Variants in FARS2 observed in about 807,000 individuals in gnomAD.
The protein encoded by FARS2 is phenylalanyl-tRNA synthetase 2, mitochondrial.
A neutral mutation model predicts 46.4 loss-of-function variants in FARS2; 40 were observed. That is an observed-to-expected ratio of 0.86 (90% CI 0.67 to 1.12). The LOEUF (loss-of-function observed/expected upper bound fraction) is 1.12. Ranked by LOEUF, FARS2 falls within the 50% of genes most tolerant of loss-of-function variation. FARS2 has a pLI of 0.00. For synonymous variants in FARS2, 234 were observed against 214.9 expected, an observed-to-expected ratio of 1.09 and a Z score of -0.78; for missense variants, 513 against 567.9, an observed-to-expected ratio of 0.90 and a Z score of 0.98.
chr6:5,278,478 A>C (rs1042845198), intron 1 of FARS2, among the ~76,000 whole-genome samples: 1 of 152,186 alleles, frequency 6.6e-6, no homozygotes, highest in Non-Finnish European at 1.5e-5. Context: ...ATTTTTACAC[A>C]AAGTTTTTTA....
chr6:5,687,163 A>T (rs1003056490), intron 6 of FARS2, among the ~76,000 whole-genome samples: 5 of 152,086 alleles, frequency 3.3e-5, no homozygotes, highest in Non-Finnish European at 5.9e-5. Flanking sequence ...GTTCATTCTG[A>T]TGGTAGTTTC....
At chr6:5,592,551 C>T (rs1380951166) in intron 5 of FARS2, among the ~76,000 whole-genome samples, 1 of 152,102 alleles carries the variant, frequency 6.6e-6, no homozygotes, top group Non-Finnish European at 1.5e-5. Context: ...AGAAAATTCA[C>T]CAACCTGCCA....
chr6:5,507,131 C>G (rs1203398752), intron 4 of FARS2, among the ~76,000 whole-genome samples: 1 of 152,196 alleles, frequency 6.6e-6, no homozygotes, highest in Non-Finnish European at 1.5e-5. Flanking sequence ...GTGCTTGCAG[C>G]CTTTCAGAGA....
intron 6 of FARS2, among the ~76,000 whole-genome samples, chr6:5,756,834 A>C (rs181563577): frequency 1.3e-5 from 2 of 152,378 alleles, no homozygotes; most frequent in Admixed American, 1.3e-4. Context: ...TGTGGTAGAC[A>C]AAGAGGTAGA....
chr6:5,327,542 C>T (rs1305046674), intron 1 of FARS2, among the ~76,000 whole-genome samples: 2 of 152,166 alleles, frequency 1.3e-5, no homozygotes, highest in Non-Finnish European at 2.9e-5. Flanking sequence ...AGTTCCCCTG[C>T]ACACACTCTC....
intron 6 of FARS2, among the ~76,000 whole-genome samples, chr6:5,701,266 A>T (rs1342087945): frequency 6.6e-6 from 1 of 152,252 alleles, no homozygotes; most frequent in East Asian, 1.9e-4. Flanking sequence ...ACATCTCTGC[A>T]AAGGCTGTTG....
At chr6:5,539,270 G>A (rs1267126294) in intron 4 of FARS2, among the ~76,000 whole-genome samples, 2 of 150,192 alleles carry the variant, frequency 1.3e-5, no homozygotes, top group Non-Finnish European at 1.5e-5. Context: ...GCAGTGGCAC[G>A]ATCTCGGCTC....
intron 3 of FARS2, among the ~76,000 whole-genome samples, chr6:5,430,840 T>C (rs994039636): frequency 6.6e-6 from 1 of 152,168 alleles, no homozygotes; most frequent in African/African-American, 2.4e-5. Flanking sequence ...AAGTGTTTTT[T>C]ATATTGGAGA....
chr6:5,306,201 C>T (rs1284211168), intron 1 of FARS2, among the ~76,000 whole-genome samples: 3 of 152,152 alleles, frequency 2.0e-5, no homozygotes, highest in Non-Finnish European at 2.9e-5. Flanking sequence ...TGTTTTTCCT[C>T]CTTTCTTTCC....
intron 4 of FARS2, among the ~76,000 whole-genome samples, chr6:5,496,945 AGT>A (rs1290894145): frequency 6.6e-6 from 1 of 152,026 alleles, no homozygotes; most frequent in Non-Finnish European, 1.5e-5. Flanking sequence ...CAGCCTCCTG[AGT>A]AGCTGGGCCT....
intron 1 of FARS2, among the ~76,000 whole-genome samples, chr6:5,293,107 G>C (rs1448488998): frequency 6.6e-6 from 1 of 152,210 alleles, no homozygotes; most frequent in Non-Finnish European, 1.5e-5. Context: ...CCAGTGCAGT[G>C]GTAGAGCAGA....
At chr6:5,610,848 G>T (rs776331040) in intron 5 of FARS2, among the ~76,000 whole-genome samples, 4 of 152,166 alleles carry the variant, frequency 2.6e-5, no homozygotes, top group Non-Finnish European at 5.9e-5. Flanking sequence ...CATTCCACGT[G>T]GTTGCTAAAC....
intron 2 of FARS2, among the ~76,000 whole-genome samples, chr6:5,383,094 C>T (rs941962524): frequency 6.6e-6 from 1 of 152,200 alleles, no homozygotes; most frequent in Non-Finnish European, 1.5e-5. Flanking sequence ...TATCTGGGCA[C>T]CCTGTGACCC....
At chr6:5,340,959 A>G (rs1437543860) in intron 1 of FARS2, among the ~76,000 whole-genome samples, 13 of 151,746 alleles carry the variant, frequency 8.6e-5, no homozygotes, top group Non-Finnish European at 1.6e-4. Flanking sequence ...CAGCCTGACC[A>G]ACATGATGAA....
intron 4 of FARS2, among the ~76,000 whole-genome samples, chr6:5,481,725 C>T (rs1766468404): frequency 9.0e-6 from 1 of 110,574 alleles, no homozygotes; most frequent in African/African-American, 2.8e-5. Flanking sequence ...TTGAGCTTAT[C>T]CAGCCTTTCC....
intron 5 of FARS2, among the ~76,000 whole-genome samples, chr6:5,548,449 G>GT (rs2150509733): frequency 6.6e-6 from 1 of 152,214 alleles, no homozygotes; most frequent in East Asian, 1.9e-4. Context: ...ATAATTATCT[G>GT]TTTTATTTTA....
chr6:5,746,872 TGGGG>T (rs1290181665), intron 6 of FARS2, among the ~76,000 whole-genome samples: 3 of 151,966 alleles, frequency 2.0e-5, no homozygotes, highest in Non-Finnish European at 4.4e-5. Flanking sequence ...AGCTGGCAAG[TGGGG>T]AAAGGCAGAC....
In FARS2 at chr6:5,368,757, C is replaced by A; in HGVS notation, c.187C>A (p.His63Asn). The A allele has an allele frequency of 6.2e-7, 1 of 1,614,120 alleles. No individual in the cohort carries two copies. The highest frequency in any genetic ancestry group is 1.1e-5 in the South Asian group (1 of 91,074). The change falls in exon 2 of 7, where the codon CAC becomes AAC. Residue 63 changes from histidine (H) to asparagine (N), a missense_variant. His to Asn is a moderately conservative substitution (Grantham distance 68). Coordinates refer to ENST00000274680, the MANE Select transcript of FARS2 (RefSeq NM_006567.5). ...GGGCAAATCCTACCCTCAGGACGAC[C>A]ACAGCAACCTCACCCGGAAGGTCCT... ...LLGKSYPQDD[H>N]SNLTRKVLTR...
At chr6:5,668,989 C>T (rs1354233986) in intron 6 of FARS2, among the ~76,000 whole-genome samples, 3 of 152,132 alleles carry the variant, frequency 2.0e-5, no homozygotes, top group Non-Finnish European at 4.4e-5. Context: ...AGCCACCACA[C>T]CCAGCCCACG....
Sources: gnomAD v4.1 joint callset for allele counts (sites outside exome capture counted in the v4.1 genomes callset) on GRCh38, gnomAD v4.1.1 for gene constraint, MANE v1.5 for transcripts, NCBI Gene and HGNC (gene_info 2026-07-23, HGNC 2026-07-21) for gene names.